The following EFCAB11 variants were observed in gnomAD, a reference collection of about 807,000 sequenced individuals.
The protein encoded by EFCAB11 is EF-hand calcium binding domain 11.
A neutral mutation model predicts 23.0 loss-of-function variants in EFCAB11; 14 were observed. The observed-to-expected ratio is 0.61, with a 90% CI of 0.40 to 0.95. The LOEUF (loss-of-function observed/expected upper bound fraction) is 0.95, where lower values mean the gene tolerates loss of function less well. Ranked by LOEUF, EFCAB11 falls within the 40% of genes least tolerant of loss-of-function variation. EFCAB11 has a pLI of 0.00. For synonymous variants in EFCAB11, 65 were observed against 66.6 expected (o/e 0.98, Z 0.11); for missense variants, 198 against 195.8 (o/e 1.01, Z -0.07).
chr14:89,929,551 A>G (rs1193015669), intron 5 of EFCAB11, among the ~76,000 whole-genome samples: 1 of 151,930 alleles, frequency 6.6e-6, no homozygotes, highest in Non-Finnish European at 1.5e-5. Flanking sequence ...ATGCCCAGCT[A>G]ATTTTTGTCT....
chr14:89,877,423 T>A (rs981212392), intron 5 of EFCAB11, among the ~76,000 whole-genome samples: 1 of 152,166 alleles, frequency 6.6e-6, no homozygotes, highest in Non-Finnish European at 1.5e-5. Context: ...AAGGGCAGAA[T>A]AAAGTACACT....
intron 5 of EFCAB11, among the ~76,000 whole-genome samples, chr14:89,918,341 C>A (rs1596453472): frequency 1.3e-5 from 2 of 152,054 alleles, no homozygotes; most frequent in African/African-American, 2.4e-5. Flanking sequence ...GAGTTCCACA[C>A]CAGCCTGACC....
intron 5 of EFCAB11, among the ~76,000 whole-genome samples, chr14:89,859,011 G>T (rs1887840705): frequency 6.6e-6 from 1 of 152,118 alleles, no homozygotes; most frequent in African/African-American, 2.4e-5. Context: ...GTGGTGGATT[G>T]TCACTTATTA....
chr14:89,930,813 C>T lies in EFCAB11; in HGVS notation c.410+728G>A, dbSNP rs181563381. ...CCGTTCTTTTGGGTTTTCTGGCTCT[C>T]GCTGGTGTGCTGAACGCTAATGAAT... is the stretch of plus-strand genomic sequence containing the variant. On this transcript the variant is annotated intron_variant, in intron 5 of 5. Coordinates refer to ENST00000316738, the MANE Select transcript of EFCAB11 (RefSeq NM_145231.4). 2.0e-5 allele frequency among the ~76,000 whole-genome samples: 3 copies of T among 152,258 alleles called. No homozygotes were observed. The East Asian group carries it at 5.8e-4, about 29-fold the overall frequency.
chr14:89,845,707 G>C (rs1406158988), intron 5 of EFCAB11, among the ~76,000 whole-genome samples: 1 of 152,186 alleles, frequency 6.6e-6, no homozygotes, highest in African/African-American at 2.4e-5. Flanking sequence ...TCTTAGGTGA[G>C]CAGTACTGTA....
chr14:89,841,294 A>T (rs1204555357), intron 5 of EFCAB11, among the ~76,000 whole-genome samples: 1 of 151,862 alleles, frequency 6.6e-6, no homozygotes, highest in Non-Finnish European at 1.5e-5. Context: ...CCCCATTCTA[A>T]CAATTTCCCC....
At chr14:89,941,870 A>G (rs1247911839) in intron 3 of EFCAB11, among the ~76,000 whole-genome samples, 2 of 152,078 alleles carry the variant, frequency 1.3e-5, no homozygotes, top group Non-Finnish European at 2.9e-5. Context: ...AATAAAATAT[A>G]ATGAGGATAA....
At chr14:89,874,823 C>T (rs1476234417) in intron 5 of EFCAB11, among the ~76,000 whole-genome samples, 3 of 151,680 alleles carry the variant, frequency 2.0e-5, no homozygotes, top group Non-Finnish European at 2.9e-5. Context: ...ATCTGGGAAG[C>T]GGAGCTTGCA....
chr14:89,914,128 G>A (rs1056410977), intron 5 of EFCAB11, among the ~76,000 whole-genome samples: 62 of 152,272 alleles, frequency 4.1e-4, no homozygotes, highest in African/African-American at 1.3e-3. Context: ...CAGGGTAGAC[G>A]GGCAAATATC....
chr14:89,899,044 C>T lies in EFCAB11; in HGVS notation c.410+32497G>A, dbSNP rs142386822. Among the ~76,000 whole-genome samples the T allele has an allele frequency of 1.2e-3, 186 of 152,214 alleles. 1 individual carries two copies. The highest frequency in any genetic ancestry group is 6.8e-3 in the Middle Eastern group (2 of 294). Reference sequence around the variant, plus strand: ...AATGCCTTCGGATGATGACAATGTCCACAAACTCTACGGAGAGAATGAAAT... The same window carrying T: ...AATGCCTTCGGATGATGACAATGTCTACAAACTCTACGGAGAGAATGAAAT... On this transcript the variant is annotated intron_variant, in intron 5 of 5. Transcript: ENST00000316738.
intron 5 of EFCAB11, among the ~76,000 whole-genome samples, chr14:89,840,333 G>C (rs1887219948): frequency 6.6e-6 from 1 of 152,144 alleles, no homozygotes; most frequent in African/African-American, 2.4e-5. Flanking sequence ...TTTTACAATT[G>C]CAATGAAGAA....
intron 5 of EFCAB11, among the ~76,000 whole-genome samples, chr14:89,873,065 A>G (rs994185432): frequency 1.3e-5 from 2 of 152,164 alleles, no homozygotes; most frequent in African/African-American, 4.8e-5. Context: ...GTATTAGTCT[A>G]TGTCACAGAT....
chr14:89,887,870 CTATAA>C (rs1413627966), intron 5 of EFCAB11, among the ~76,000 whole-genome samples: 2 of 152,126 alleles, frequency 1.3e-5, no homozygotes, highest in Admixed American at 6.5e-5. Flanking sequence ...TTTCTTGAAG[CTATAA>C]TATATTTTCT....
At chr14:89,809,540 G>A (rs566599777) in intron 5 of EFCAB11, among the ~76,000 whole-genome samples, 6 of 152,072 alleles carry the variant, frequency 3.9e-5, no homozygotes, top group Non-Finnish European at 5.9e-5. Flanking sequence ...CTGGCTAAGT[G>A]ACTTAAAAGG....
chr14:89,899,631 A>G (rs1889282026), intron 5 of EFCAB11, among the ~76,000 whole-genome samples: 1 of 152,224 alleles, frequency 6.6e-6, no homozygotes, highest in South Asian at 2.1e-4. Flanking sequence ...AGCCCCTATA[A>G]ATCATTTTAA....
At position 89,888,292 on chromosome 14, in the gene EFCAB11, A is replaced by G. The variant is rs375377098; in HGVS notation, c.410+43249T>C. On this transcript the variant is annotated intron_variant, in intron 5 of 5. Coordinates refer to ENST00000316738, the MANE Select transcript of EFCAB11 (RefSeq NM_145231.4). ...GACTAGAGTTCTCTCCTTTCACCATATGAAGACTGTAGTAGGCTGTTCTTG... is the reference window on the plus strand; with the variant it reads ...GACTAGAGTTCTCTCCTTTCACCATGTGAAGACTGTAGTAGGCTGTTCTTG... Among the ~76,000 whole-genome samples, 14 of 152,338 alleles carry G rather than the reference A, an allele frequency of 9.2e-5. No individual in the cohort carries two copies. The East Asian group carries it at 2.7e-3, about 29-fold the overall frequency.
At chr14:89,829,135 A>T (rs1344072233) in intron 5 of EFCAB11, among the ~76,000 whole-genome samples, 2 of 152,206 alleles carry the variant, frequency 1.3e-5, no homozygotes, top group African/African-American at 4.8e-5. Context: ...ATGAAAGATT[A>T]TATTGTCAAC....
intron 5 of EFCAB11, among the ~76,000 whole-genome samples, chr14:89,901,374 G>A (rs1889331961): frequency 6.6e-6 from 1 of 152,116 alleles, no homozygotes; most frequent in African/African-American, 2.4e-5. Flanking sequence ...CAAAAGATAG[G>A]TGCTCACTAA....
intron 5 of EFCAB11, among the ~76,000 whole-genome samples, chr14:89,804,387 A>C (rs924540869): frequency 6.6e-6 from 1 of 152,228 alleles, no homozygotes; most frequent in Non-Finnish European, 1.5e-5. Flanking sequence ...TGTTGTGAAG[A>C]CTGCATCCTT....
Sources: gnomAD v4.1 joint callset for allele counts (sites outside exome capture counted in the v4.1 genomes callset) on GRCh38, gnomAD v4.1.1 for gene constraint, MANE v1.5 for transcripts, NCBI Gene and HGNC (gene_info 2026-07-23, HGNC 2026-07-21) for gene names.